Variants in ZFHX3 observed in about 807,000 individuals in gnomAD.
The protein encoded by ZFHX3 is zinc finger homeobox protein 3.
In ZFHX3, 42 loss-of-function variants were observed where a neutral mutation model predicts 279.1. The ratio of observed to expected loss-of-function variants is 0.15; its 90% CI spans 0.12 to 0.19. The LOEUF (loss-of-function observed/expected upper bound fraction) is 0.19, where lower values mean the gene tolerates loss of function less well. ZFHX3 is among the 10% of genes least tolerant of loss of function. The pLI is 1.00. For missense variants in ZFHX3, 4,981 were observed against 4,754.0 expected (o/e 1.05, Z -1.40); for synonymous variants, 2,293 against 1,957.8 (o/e 1.17, Z -4.52).
intron 1 of ZFHX3, among the ~76,000 whole-genome samples, chr16:73,693,808 A>G (rs902317213): frequency 2.0e-5 from 3 of 152,148 alleles, no homozygotes; most frequent in Non-Finnish European, 2.9e-5. Context: ...CTGCCTTACA[A>G]CTGCTAAAGA....
At chr16:73,816,196 T>A (rs923415260) in intron 1 of ZFHX3, 3 of 152,234 alleles carry the variant, frequency 2.0e-5, no homozygotes, top group Non-Finnish European at 4.4e-5. Context: ...TTACTTTACA[T>A]TGAAGTATCT....
intron 1 of ZFHX3, among the ~76,000 whole-genome samples, chr16:73,003,239 C>T (rs535765145): frequency 6.6e-6 from 1 of 151,396 alleles, no homozygotes; most frequent in South Asian, 2.1e-4. Context: ...TTCCTTTGCA[C>T]GACTCTCAGG....
intron 3 of ZFHX3, among the ~76,000 whole-genome samples, chr16:72,893,710 G>A (rs192803990): frequency 7.2e-5 from 11 of 152,280 alleles, no homozygotes; most frequent in Non-Finnish European, 1.5e-5. Context: ...AAGAATAAGA[G>A]GAAACAAGAA....
At chr16:73,140,657 A>G (rs562034680) in intron 6 of ZFHX3, among the ~76,000 whole-genome samples, 3 of 152,334 alleles carry the variant, frequency 2.0e-5, no homozygotes, top group East Asian at 3.9e-4. Context: ...GGAGTTCAAG[A>G]CCAGCCTGGC....
chr16:73,721,970 G>A (rs991871633), intron 1 of ZFHX3, among the ~76,000 whole-genome samples: 10 of 152,304 alleles, frequency 6.6e-5, no homozygotes, highest in South Asian at 4.1e-4. Flanking sequence ...GCTTCAGCTC[G>A]GAAGGTAGAG....
chr16:73,744,743 T>C (rs945088688), intron 1 of ZFHX3, among the ~76,000 whole-genome samples: 8 of 152,196 alleles, frequency 5.3e-5, no homozygotes, highest in Non-Finnish European at 1.0e-4. Context: ...CCAGTCGATA[T>C]TTCTGACAGC....
chr16:72,958,313 A>G lies in ZFHX3; in HGVS notation c.1833T>C (p.Gly611=), dbSNP rs750204973. The change falls in exon 2 of 10, where the codon GGT becomes GGC. Residue 611 remains glycine, a synonymous_variant. Transcript: ENST00000268489. ...TAPEPNESTE[G]DDGGFVPHHQ... ...GATGGGGAACGAAGCCCCCATCGTC[A>G]CCCTCTGTGCTTTCATTTGGTTCTG... 1.2e-5 allele frequency: 19 copies of G among 1,613,712 alleles called. No individual in the cohort carries two copies. Among genetic ancestry groups the G allele is most frequent in the Admixed American group, 1.7e-5 (1 of 60,000 alleles).
At chr16:73,396,458 A>C (rs2017131789) in intron 3 of ZFHX3, among the ~76,000 whole-genome samples, 4 of 152,182 alleles carry the variant, frequency 2.6e-5, no homozygotes. Context: ...ACACATACTA[A>C]GTGTGTTAGT....
rs189060528 is a variant in ZFHX3, at chr16:72,837,857, C to T, written c.3449-7998G>A. Among the ~76,000 whole-genome samples, 495 of 152,230 alleles carry T rather than the reference C, an allele frequency of 3.3e-3. 10 individuals carry two copies. Among genetic ancestry groups the T allele is most frequent in the African/African-American group, 0.011 (467 of 41,500 alleles). On this transcript the variant is annotated intron_variant, in intron 4 of 9. Coordinates refer to ENST00000268489, the MANE Select transcript of ZFHX3 (RefSeq NM_006885.4). The stretch of plus-strand genomic sequence containing the variant: ...GCTCAAGTGATCCTCTTGCCTTGGC[C>T]TCTCAAAGTGTTGGGATTACAGATG...
At chr16:73,021,505 A>G (rs964289899) in intron 1 of ZFHX3, among the ~76,000 whole-genome samples, 2 of 152,130 alleles carry the variant, frequency 1.3e-5, no homozygotes, top group Non-Finnish European at 2.9e-5. Flanking sequence ...TTATAACTAA[A>G]TTGAGCTCAG....
At position 72,794,569 on chromosome 16, in the gene ZFHX3, C is replaced by T. The variant is rs763532436; in HGVS notation, c.8113G>A (p.Gly2705Ser). Residue 2705 changes from glycine (G) to serine (S), a missense_variant, in exon 9 of 10, where the codon GGC becomes AGC. Physicochemically the swap from Gly to Ser is moderately conservative, Grantham distance 56. Around this residue, in one of 7 missense-constraint regions of ZFHX3, gnomAD observed 744 missense variants for 701.3 expected, o/e 1.06. Coordinates refer to ENST00000268489, the MANE Select transcript of ZFHX3 (RefSeq NM_006885.4). The surrounding 1 kb of genome is among the most constrained non-coding windows in gnomAD (Gnocchi z 4.2). The stretch of plus-strand genomic sequence containing the variant: ...CATCTCCTGTGGGCCTGCGCTGGGC[C>T]TACAGCCCGGAACTGTCCTTTCCTT... The part of the protein sequence containing the change: ...RERKGQFRAV[G>S]PAQAHRRCPF... 1.2e-6 allele frequency: 2 copies of T among 1,614,210 alleles called. No individual in the cohort carries two copies. Among genetic ancestry groups the T allele is most frequent in the South Asian group, 1.1e-5 (1 of 91,078 alleles).
intron 3 of ZFHX3, among the ~76,000 whole-genome samples, chr16:73,356,058 C>T (rs1007014278): frequency 1.2e-4 from 18 of 152,062 alleles, no homozygotes; most frequent in South Asian, 4.1e-4. Context: ...CCTAAGTTTC[C>T]GAAATAACAT....
chr16:73,426,765 G>T (rs779813029), intron 3 of ZFHX3, among the ~76,000 whole-genome samples: 1 of 152,188 alleles, frequency 6.6e-6, no homozygotes, highest in Non-Finnish European at 1.5e-5. Context: ...TGTGGGGAAA[G>T]CAGTCACTGC....
chr16:73,541,654 C>T (rs990670803), intron 2 of ZFHX3, among the ~76,000 whole-genome samples: 1 of 152,070 alleles, frequency 6.6e-6, no homozygotes, highest in Non-Finnish European at 1.5e-5. Flanking sequence ...CCTGCCATCA[C>T]CCCTTTTCCT....
At chr16:73,420,290 T>G (rs929309271) in intron 3 of ZFHX3, 1 of 152,246 alleles carries the variant, frequency 6.6e-6, no homozygotes, top group Non-Finnish European at 1.5e-5. Context: ...ATGTTACAAC[T>G]CATTGTGAAT....
At chr16:72,924,446 CT>C (rs1245631558) in intron 3 of ZFHX3, among the ~76,000 whole-genome samples, 1 of 152,182 alleles carries the variant, frequency 6.6e-6, no homozygotes, top group Non-Finnish European at 1.5e-5. Context: ...ATACACCTGC[CT>C]TTGTGTCCAC....
chr16:73,355,001 G>A (rs772848870), intron 3 of ZFHX3, among the ~76,000 whole-genome samples: 2 of 152,206 alleles, frequency 1.3e-5, no homozygotes, highest in African/African-American at 2.4e-5. Flanking sequence ...TCTTTCATCT[G>A]TGATTAAACC....
chr16:73,113,559 A>G (rs1465531728), intron 7 of ZFHX3, among the ~76,000 whole-genome samples: 1 of 152,184 alleles, frequency 6.6e-6, no homozygotes, highest in East Asian at 1.9e-4. Context: ...CAAGAATCCC[A>G]TGGGCTATAA....
At chr16:73,615,051 C>T (rs957029105) in intron 2 of ZFHX3, among the ~76,000 whole-genome samples, 13 of 151,860 alleles carry the variant, frequency 8.6e-5, no homozygotes, top group African/African-American at 1.9e-4. Context: ...TGAGCCACCA[C>T]GCCTGGCCAC....
Sources: gnomAD v4.1 joint callset for allele counts (sites outside exome capture counted in the v4.1 genomes callset) on GRCh38, gnomAD v4.1.1 for gene constraint, gnomAD v4.1.1 regional missense constraint, Gnocchi (gnomAD v3.1) non-coding constraint, MANE v1.5 for transcripts, NCBI Gene and HGNC (gene_info 2026-07-23, HGNC 2026-07-21) for gene names.